Variants in EPB41L3 observed in about 807,000 individuals in gnomAD.
EPB41L3 encodes erythrocyte membrane protein band 4.1 like 3.
Under a neutral mutation model 127.1 loss-of-function variants are expected in EPB41L3, and 57 were observed. The ratio of observed to expected loss-of-function variants is 0.45; its 90% CI spans 0.36 to 0.56. EPB41L3 has a LOEUF of 0.56. Among genes scored for constraint, EPB41L3 ranks in the 20% least tolerant of loss-of-function variants. EPB41L3 has a pLI of 0.00. For synonymous variants in EPB41L3, 572 were observed against 549.5 expected, an observed-to-expected ratio of 1.04 and a Z score of -0.57; for missense variants, 1,273 against 1,372.2, an observed-to-expected ratio of 0.93 and a Z score of 1.14.
chr18:5,433,771 C>G, intron 7 of EPB41L3, 132 bp downstream of exon 7: 1 of 1,043,438 alleles, frequency 9.6e-7, no homozygotes, highest in East Asian at 2.4e-5. Flanking sequence ...CAGAATTTTA[C>G]TGTGCATGGA....
At chr18:5,526,836 T>C (rs2093239061) in intron 1 of EPB41L3, among the ~76,000 whole-genome samples, 1 of 152,178 alleles carries the variant, frequency 6.6e-6, no homozygotes, top group Non-Finnish European at 1.5e-5. Flanking sequence ...TCGTGTTTCT[T>C]TAATTAGCAT....
intron 16 of EPB41L3, among the ~76,000 whole-genome samples, chr18:5,404,289 A>G (rs1214315389): frequency 6.6e-6 from 1 of 152,196 alleles, no homozygotes; most frequent in Non-Finnish European, 1.5e-5. Flanking sequence ...TATCTAGTCA[A>G]GCTCTTTCTG....
intron 3 of EPB41L3, among the ~76,000 whole-genome samples, chr18:5,448,180 C>T (rs1568221372): frequency 6.6e-6 from 1 of 152,152 alleles, no homozygotes; most frequent in Non-Finnish European, 1.5e-5. Flanking sequence ...CTTTGCAAAC[C>T]ACTAATGGAT....
At chr18:5,570,027 A>G (rs992317225) in intron 3 of EPB41L3, 2 of 152,186 alleles carry the variant, frequency 1.3e-5, no homozygotes, top group African/African-American at 4.8e-5. Context: ...AGGAGATATT[A>G]CACAGTGATG....
chr18:5,478,996 A>G (rs1237685453), intron 2 of EPB41L3, among the ~76,000 whole-genome samples: 2 of 152,260 alleles, frequency 1.3e-5, no homozygotes, highest in African/African-American at 4.8e-5. Flanking sequence ...ACTGAAATTC[A>G]TCACAAAGTA....
chr18:5,538,994 G>GTTTTTTTTTTTTTTTTTTT (rs1568535153), intron 1 of EPB41L3, among the ~76,000 whole-genome samples: 2 of 128,628 alleles, frequency 1.6e-5, no homozygotes, highest in Non-Finnish European at 1.6e-5. Context: ...CTTTCTCCAA[G>GTTTTTTTTTTTTTTTTTTT]ATTTTTTTTT....
chr18:5,549,081 G>A (rs1166738325), upstream of EPB41L3, among the ~76,000 whole-genome samples: 4 of 152,158 alleles, frequency 2.6e-5, no homozygotes, highest in Non-Finnish European at 4.4e-5. Flanking sequence ...TTCAGAAGTC[G>A]GGCTTATTAA....
intron 3 of EPB41L3, among the ~76,000 whole-genome samples, chr18:5,606,063 C>A (rs1057442022): frequency 1.3e-5 from 2 of 152,124 alleles, no homozygotes; most frequent in African/African-American, 4.8e-5. Flanking sequence ...ATGACAGATG[C>A]ATCCAGTAGG....
At chr18:5,577,684 A>G (rs909813767) in intron 3 of EPB41L3, 8 of 160,144 alleles carry the variant, frequency 5.0e-5, no homozygotes, top group African/African-American at 1.9e-4. Context: ...TCCCAGCAGC[A>G]GAGAAACAGA....
chr18:5,441,016 A>C (rs2080635318), intron 5 of EPB41L3, among the ~76,000 whole-genome samples: 1 of 152,128 alleles, frequency 6.6e-6, no homozygotes, highest in South Asian at 2.1e-4. Flanking sequence ...AGCCAGGACT[A>C]ACTAACTACA....
chr18:5,418,857 G>A (rs139052389), intron 12 of EPB41L3, among the ~76,000 whole-genome samples: 41 of 152,202 alleles, frequency 2.7e-4, no homozygotes, highest in East Asian at 1.2e-3. Flanking sequence ...AAGATCACTC[G>A]TGAATCAAAT....
chr18:5,506,208 C>G (rs1207349785), intron 1 of EPB41L3, among the ~76,000 whole-genome samples: 1 of 152,124 alleles, frequency 6.6e-6, no homozygotes, highest in Non-Finnish European at 1.5e-5. Context: ...CACACAACAG[C>G]CAGGTTGATC....
intron 5 of EPB41L3, among the ~76,000 whole-genome samples, chr18:5,439,235 C>T (rs1421361112): frequency 4.6e-5 from 7 of 152,098 alleles, no homozygotes; most frequent in Admixed American, 2.6e-4. Context: ...CAGCGGCCAC[C>T]GACTTGCCCT....
chr18:5,627,767 T>A (rs1229435804), intron 1 of EPB41L3, among the ~76,000 whole-genome samples: 2 of 152,198 alleles, frequency 1.3e-5, no homozygotes, highest in African/African-American at 4.8e-5. Flanking sequence ...AACATTCCAC[T>A]AAGAGCTGTA....
chr18:5,433,850 G>A (rs571782482), intron 7 of EPB41L3, 53 bp downstream of exon 7: 40 of 1,577,646 alleles, frequency 2.5e-5, no homozygotes, highest in African/African-American at 2.0e-4. Flanking sequence ...GGTTGTGTGC[G>A]GGACACTCTC....
chr18:5,509,765 A>G (rs186961459), intron 1 of EPB41L3, among the ~76,000 whole-genome samples: 138 of 152,360 alleles, frequency 9.1e-4, no homozygotes, highest in African/African-American at 3.2e-3. Context: ...ATTCAGTAGT[A>G]TGCATATACT....
intron 5 of EPB41L3, among the ~76,000 whole-genome samples, chr18:5,442,512 C>T (rs1260420389): frequency 1.3e-5 from 2 of 152,040 alleles, no homozygotes; most frequent in South Asian, 2.1e-4. Flanking sequence ...TTTATTAGTA[C>T]TTGGGGTATT....
At chr18:5,600,488 T>A (rs529238481) in intron 3 of EPB41L3, among the ~76,000 whole-genome samples, 2 of 152,254 alleles carry the variant, frequency 1.3e-5, no homozygotes, top group African/African-American at 4.8e-5. Flanking sequence ...TACAGTCTCA[T>A]CATAAAAAAA....
intron 3 of EPB41L3, among the ~76,000 whole-genome samples, chr18:5,573,035 C>T (rs960687936): frequency 6.6e-6 from 1 of 152,176 alleles, no homozygotes; most frequent in African/African-American, 2.4e-5. Context: ...AAGGATGTCT[C>T]ACTCTTTGGC....
Sources: gnomAD v4.1 joint callset for allele counts (sites outside exome capture counted in the v4.1 genomes callset) on GRCh38, gnomAD v4.1.1 for gene constraint, MANE v1.5 for transcripts, NCBI Gene and HGNC (gene_info 2026-07-23, HGNC 2026-07-21) for gene names.